Variants in ZBBX observed in about 807,000 individuals in gnomAD.
The protein encoded by ZBBX is zinc finger B-box domain containing, also known as zinc finger B-box domain-containing protein 1.
Under a neutral mutation model 108.5 loss-of-function variants are expected in ZBBX, and 101 were observed. The ratio of observed to expected loss-of-function variants is 0.93; its 90% confidence interval spans 0.79 to 1.10. The LOEUF is 1.10. ZBBX is among the 50% of genes least tolerant of loss of function. The pLI, the probability that ZBBX is intolerant of heterozygous loss-of-function variation, is 0.00. For missense variants in ZBBX, 1,009 were observed against 941.4 expected, an observed-to-expected ratio of 1.07 and a Z score of -0.94; for synonymous variants, 356 against 323.4, an observed-to-expected ratio of 1.10 and a Z score of -1.08.
chr3:167,179,004 T>G, the ZBBX span, among the ~76,000 whole-genome samples: 2 of 151,766 alleles, frequency 1.3e-5, no homozygotes, highest in African/African-American at 2.4e-5. Context: ...GAGAAAAACA[T>G]AGAGAGAGCT....
chr3:167,277,550 T>C (rs1406424258), intron 20 of ZBBX, among the ~76,000 whole-genome samples: 1 of 152,174 alleles, frequency 6.6e-6, no homozygotes, highest in East Asian at 1.9e-4. Context: ...AAGAGCTAAC[T>C]ATCCTAAATA....
chr3:167,366,712 A>G (rs1745376170), intron 5 of ZBBX: 2 of 389,276 alleles, frequency 5.1e-6, no homozygotes, highest in Non-Finnish European at 1.0e-5. Context: ...AACTATTCTG[A>G]AAACTCAGTC....
chr3:167,225,926 T>C, the ZBBX span, among the ~76,000 whole-genome samples: 1 of 151,584 alleles, frequency 6.6e-6, no homozygotes, highest in African/African-American at 2.4e-5. Flanking sequence ...ATCCACAGGG[T>C]TCCTTTCAGT....
At chr3:167,300,672 C>T (rs1406280779) in intron 17 of ZBBX, among the ~76,000 whole-genome samples, 4 of 150,406 alleles carry the variant, frequency 2.7e-5, no homozygotes, top group East Asian at 2.0e-4. Flanking sequence ...TGCAATGGCG[C>T]GACCTCAGCT....
the ZBBX span, among the ~76,000 whole-genome samples, chr3:167,178,945 T>C: frequency 6.6e-6 from 1 of 152,070 alleles, no homozygotes; most frequent in Non-Finnish European, 1.5e-5. Context: ...CTATGGCTTG[T>C]CCTTGAGAAT....
chr3:167,328,182 A>G (rs1737756574), intron 10 of ZBBX, 66 bp from the exon 11 acceptor site: 3 of 1,488,874 alleles, frequency 2.0e-6, no homozygotes, highest in Middle Eastern at 1.8e-4. Context: ...AAATTGTTTT[A>G]ATAAAAAAAT....
chr3:167,256,271 G>C (rs909147472), intron 20 of ZBBX, among the ~76,000 whole-genome samples: 1 of 152,106 alleles, frequency 6.6e-6, no homozygotes, highest in Non-Finnish European at 1.5e-5. Flanking sequence ...ACAAACATAA[G>C]AGGGCAGATA....
At chr3:167,252,356 AC>A in intron 20 of ZBBX, 4 of 427,390 alleles carry the variant, frequency 9.4e-6, no homozygotes, top group South Asian at 8.0e-5. Flanking sequence ...GTTTTTCCAG[AC>A]TGCACCCTGA....
chr3:167,378,608 T>A (rs1321491021), intron 2 of ZBBX, among the ~76,000 whole-genome samples: 1 of 152,152 alleles, frequency 6.6e-6, no homozygotes, highest in African/African-American at 2.4e-5. Flanking sequence ...TGGGCTTCTA[T>A]AAGACCTCCA....
intron 16 of ZBBX, among the ~76,000 whole-genome samples, chr3:167,307,808 T>C (rs1399413765): frequency 1.3e-5 from 2 of 152,110 alleles, no homozygotes; most frequent in Non-Finnish European, 2.9e-5. Context: ...TATACAAAAA[T>C]TAACTCAAGA....
chr3:167,248,734 A>AC (rs1424583012), intron 20 of ZBBX: 2 of 439,748 alleles, frequency 4.5e-6, no homozygotes, highest in African/African-American at 2.0e-5. Flanking sequence ...TACCAACTAA[A>AC]CCCCCCACCT....
intron 1 of ZBBX, among the ~76,000 whole-genome samples, chr3:167,397,397 A>G (rs1417565305): frequency 1.3e-5 from 2 of 151,848 alleles, no homozygotes; most frequent in Non-Finnish European, 2.9e-5. Flanking sequence ...TTTCTATCCC[A>G]TTCCAACATA....
At chr3:167,233,902 T>C in the ZBBX span, among the ~76,000 whole-genome samples, 1 of 151,750 alleles carries the variant, frequency 6.6e-6, no homozygotes, top group Non-Finnish European at 1.5e-5. Context: ...GCCCAGAGAC[T>C]TCCTAGGGCT....
At chr3:167,363,321 C>T (rs1744817875) in intron 6 of ZBBX, among the ~76,000 whole-genome samples, 1 of 152,040 alleles carries the variant, frequency 6.6e-6, no homozygotes, top group Admixed American at 6.6e-5. Context: ...CCTCTTCATT[C>T]CCAAGAACTC....
chr3:167,374,009 T>G (rs1042533587), intron 2 of ZBBX, among the ~76,000 whole-genome samples: 4 of 152,182 alleles, frequency 2.6e-5, no homozygotes, highest in Admixed American at 2.0e-4. Context: ...AAAGCACATA[T>G]TCTGGCTCTT....
At chr3:167,277,958 C>T (rs1052382353) in intron 20 of ZBBX, among the ~76,000 whole-genome samples, 7 of 150,654 alleles carry the variant, frequency 4.6e-5, no homozygotes, top group Middle Eastern at 6.8e-3. Context: ...CTCAAAACCA[C>T]TCAACTACAT....
chr3:167,379,359 G>T (rs1177833768), intron 2 of ZBBX, among the ~76,000 whole-genome samples: 1 of 152,136 alleles, frequency 6.6e-6, no homozygotes, highest in African/African-American at 2.4e-5. Flanking sequence ...ATAATTGCAA[G>T]AATTATTAAG....
the ZBBX span, among the ~76,000 whole-genome samples, chr3:167,187,053 T>C: frequency 1.3e-5 from 2 of 152,190 alleles, no homozygotes; most frequent in Non-Finnish European, 2.9e-5. Context: ...GCTTTGACCA[T>C]TTATTTTGCA....
At chr3:167,243,748 C>CTTTTTTT (rs148483655) in intron 20 of ZBBX, among the ~76,000 whole-genome samples, 19 of 70,856 alleles carry the variant, frequency 2.7e-4, no homozygotes, top group South Asian at 1.1e-3. Flanking sequence ...GTGGACTTGA[C>CTTTTTTT]TTTTTTTTTT....
Sources: allele counts gnomAD v4.1 joint callset (sites outside exome capture counted in the v4.1 genomes callset), GRCh38; gene constraint gnomAD v4.1.1; transcripts MANE v1.5; gene names NCBI Gene and HGNC (gene_info 2026-07-23, HGNC 2026-07-21).